The following SIPA1L3 variants were observed in gnomAD, a reference collection of about 807,000 sequenced individuals.
The protein encoded by SIPA1L3 is signal induced proliferation associated 1 like 3, also known as signal-induced proliferation-associated 1-like protein 3.
In SIPA1L3, 59 loss-of-function variants were observed where a neutral mutation model predicts 150.1. The ratio of observed to expected loss-of-function variants is 0.39; its 90% CI spans 0.32 to 0.49. The LOEUF (loss-of-function observed/expected upper bound fraction) is 0.49. Among genes scored for constraint, SIPA1L3 ranks in the 20% least tolerant of loss-of-function variants. The probability of loss-of-function intolerance (pLI) is 0.86; values close to 1 mark genes in which losing one functional copy is unlikely to be tolerated. For synonymous variants in SIPA1L3, 1,070 were observed against 1,077.6 expected (o/e 0.99, Z 0.14); for missense variants, 2,211 against 2,489.5 (o/e 0.89, Z 2.38).
At chr19:38,072,484 A>G (rs1969745686) in intron 2 of SIPA1L3, among the ~76,000 whole-genome samples, 1 of 152,234 alleles carries the variant, frequency 6.6e-6, no homozygotes, top group South Asian at 2.1e-4. Flanking sequence ...ACAGCCCCAG[A>G]TTCTAACTCC....
Position 38,046,499 on chromosome 19 carries a change from C to T in SIPA1L3, c.-311+17343C>T, listed in dbSNP as rs1969060405. Among the ~76,000 whole-genome samples the T allele has an allele frequency of 6.6e-6, 1 of 152,164 alleles. No individual in the cohort carries two copies. On this transcript the variant is annotated intron_variant, in intron 2 of 21. Coordinates refer to ENST00000222345, the MANE Select transcript of SIPA1L3 (RefSeq NM_015073.3). The surrounding 1 kb of genome is among the most constrained non-coding windows in gnomAD (Gnocchi z 5.6). ...TCTCGGTTCCCTGTTCTGGGCCCTG[C>T]CCTGGAAAGAGGCAGGGTGGCCGGG... is the stretch of plus-strand genomic sequence containing the variant.
At chr19:38,125,131 G>A (rs1457601462) in intron 9 of SIPA1L3, among the ~76,000 whole-genome samples, 2 of 152,148 alleles carry the variant, frequency 1.3e-5, no homozygotes, top group African/African-American at 4.8e-5. Flanking sequence ...CACCTCCCGG[G>A]TTCAAGCATT....
At chr19:38,063,059 T>C (rs1218222218) in intron 2 of SIPA1L3, among the ~76,000 whole-genome samples, 1 of 152,188 alleles carries the variant, frequency 6.6e-6, no homozygotes, top group East Asian at 1.9e-4. Context: ...CGGGTGACAG[T>C]AGCAGGTGAT....
chr19:38,020,808 G>GTT (rs112894506), intron 1 of SIPA1L3, among the ~76,000 whole-genome samples: 3 of 147,764 alleles, frequency 2.0e-5, no homozygotes, highest in African/African-American at 4.9e-5. Flanking sequence ...AGTTTTTTTT[G>GTT]TTTTTTTTTT....
chr19:37,979,894 G>T (rs1373406015), intron 1 of SIPA1L3, among the ~76,000 whole-genome samples: 1 of 152,202 alleles, frequency 6.6e-6, no homozygotes, highest in Non-Finnish European at 1.5e-5. Flanking sequence ...GCTGGCGGTG[G>T]GTCTGTTGGT....
chr19:38,055,155 C>A (rs964903597), intron 2 of SIPA1L3, among the ~76,000 whole-genome samples: 11 of 152,148 alleles, frequency 7.2e-5, no homozygotes, highest in African/African-American at 2.7e-4. Flanking sequence ...TCTGGTAAGA[C>A]CTCCATCAGT....
intron 2 of SIPA1L3, among the ~76,000 whole-genome samples, chr19:38,071,182 A>C (rs1969707841): frequency 6.6e-6 from 1 of 151,964 alleles, no homozygotes; most frequent in African/African-American, 2.4e-5. Flanking sequence ...CCATCCAGTC[A>C]TTTAATAGTT....
chr19:38,170,944 G>T (rs1443942313), intron 15 of SIPA1L3, among the ~76,000 whole-genome samples: 3 of 145,422 alleles, frequency 2.1e-5, no homozygotes, highest in Non-Finnish European at 4.6e-5. Flanking sequence ...TTTTGAAATT[G>T]TGTGTATATA....
At chr19:38,183,798 G>A (rs987414229) in intron 16 of SIPA1L3, among the ~76,000 whole-genome samples, 2 of 152,130 alleles carry the variant, frequency 1.3e-5, no homozygotes, top group Non-Finnish European at 2.9e-5. Flanking sequence ...GGGGAGGTGC[G>A]GAGGCGGAGA....
chr19:38,012,671 C>A (rs1228579502), intron 1 of SIPA1L3, among the ~76,000 whole-genome samples: 1 of 152,004 alleles, frequency 6.6e-6, no homozygotes, highest in Non-Finnish European at 1.5e-5. Flanking sequence ...TTCCCCCCAC[C>A]CCCCATCCTC....
chr19:38,141,430 C>A lies in SIPA1L3; in HGVS notation c.3390C>A (p.Ser1130Arg). The A allele has an allele frequency of 6.2e-7, 1 of 1,607,772 alleles. No homozygotes were observed. Reference protein sequence around the residue: ...VPFRESQPLHSKRPVSFPETP... With the variant: ...VPFRESQPLHRKRPVSFPETP... ...TCCGGGAGTCCCAGCCACTGCACAGCAAGAGGTAAGCACCTGCTGGGGGGA... is the reference window on the plus strand; with the variant it reads ...TCCGGGAGTCCCAGCCACTGCACAGAAAGAGGTAAGCACCTGCTGGGGGGA... The change falls in exon 11 of 22, where the codon AGC (serine) becomes AGA (arginine). Residue 1130 changes from serine to arginine, a missense_variant. By Grantham distance (110) the Ser-to-Arg change is moderately radical (BLOSUM62 -1). This residue lies in a region of SIPA1L3 where 806 missense variants were observed against 870.1 expected (regional missense o/e 0.93). Coordinates refer to ENST00000222345, the MANE Select transcript of SIPA1L3 (RefSeq NM_015073.3).
intron 1 of SIPA1L3, among the ~76,000 whole-genome samples, chr19:38,003,381 C>G (rs1201416966): frequency 6.6e-6 from 1 of 152,100 alleles, no homozygotes. Flanking sequence ...CAGAGGCTCC[C>G]CAAGGAAGTA....
At chr19:37,917,690 T>C (rs894601031) in intron 1 of SIPA1L3, among the ~76,000 whole-genome samples, 4 of 152,026 alleles carry the variant, frequency 2.6e-5, no homozygotes, top group African/African-American at 9.7e-5. Flanking sequence ...ATGAAAACCA[T>C]AGGAGGGACT....
At chr19:38,060,733 C>T (rs1969427692) in intron 2 of SIPA1L3, among the ~76,000 whole-genome samples, 1 of 152,162 alleles carries the variant, frequency 6.6e-6, no homozygotes, top group Admixed American at 6.5e-5. Flanking sequence ...CTCTTGTTGC[C>T]CAGGCTGGAG....
intron 2 of SIPA1L3, among the ~76,000 whole-genome samples, chr19:38,055,664 C>T (rs1315461737): frequency 1.3e-5 from 2 of 152,220 alleles, no homozygotes; most frequent in African/African-American, 4.8e-5. Flanking sequence ...TGACAACCAG[C>T]AGTGGAGCCT....
chr19:38,081,433 T>C lies in SIPA1L3; in HGVS notation c.-133T>C, dbSNP rs904296607. 46 of 818,692 alleles carry C rather than the reference T, an allele frequency of 5.6e-5. No individual in the cohort carries two copies. The highest frequency in any genetic ancestry group is 7.7e-5 in the Non-Finnish European group (41 of 531,846). The allele number at this position is 818,692 out of a possible 1,614,324, so 50.7% of individuals were successfully genotyped here. On this transcript the variant is annotated 5_prime_UTR_variant, in exon 3 of 22. Transcript: ENST00000222345. ...AACTGGACTCCACAGGCTCACAACC[T>C]TCCTGTCAGGTTTCAGGGCCCAGCA...
At chr19:37,956,909 C>T (rs964706539) in intron 1 of SIPA1L3, among the ~76,000 whole-genome samples, 1 of 152,120 alleles carries the variant, frequency 6.6e-6, no homozygotes, top group Non-Finnish European at 1.5e-5. Flanking sequence ...ATGTTTTCTC[C>T]TAGAAGTTGC....
rs1969070687 is a variant in SIPA1L3, at chr19:38,046,807, T to TACCC, written c.-311+17654_-311+17657dup. 6.6e-6 allele frequency among the ~76,000 whole-genome samples: 1 copy of TACCC among 152,130 alleles called. No homozygotes were observed. Among genetic ancestry groups the TACCC allele is most frequent in the African/African-American group, 2.4e-5 (1 of 41,434 alleles). Reference sequence around the variant, plus strand: ...GAGGGCTTTGCTGTCCCTTCTGCTGTACCCACAGCTGCCCGCTCAGAGCAA... The same window carrying TACCC: ...GAGGGCTTTGCTGTCCCTTCTGCTGTACCCACCCACAGCTGCCCGCTCAGAGCAA... On this transcript the variant is annotated intron_variant, in intron 2 of 21. Transcript: ENST00000222345. This position sits in a 1 kb window ranked among gnomAD's most constrained non-coding sequence, Gnocchi z 5.6.
At chr19:38,182,967 A>C (rs2146025355) in intron 16 of SIPA1L3, 1 of 519,628 alleles carries the variant, frequency 1.9e-6, no homozygotes, top group Non-Finnish European at 3.4e-6. Context: ...AGAAGCACGC[A>C]ATAGGTCAAT....
Sources: allele counts gnomAD v4.1 joint callset (sites outside exome capture counted in the v4.1 genomes callset), GRCh38; gene constraint gnomAD v4.1.1; regional missense constraint gnomAD v4.1.1; non-coding constraint Gnocchi (gnomAD v3.1); transcripts MANE v1.5; gene names NCBI Gene and HGNC (gene_info 2026-07-23, HGNC 2026-07-21).